Variants in PSMG2 observed in about 807,000 individuals in gnomAD.
The protein encoded by PSMG2 is proteasome assembly chaperone 2.
Under a neutral mutation model 31.5 loss-of-function variants are expected in PSMG2, and 21 were observed. The ratio of observed to expected loss-of-function variants is 0.67; its 90% CI spans 0.47 to 0.96. PSMG2 has a LOEUF of 0.96. Among genes scored for constraint, PSMG2 ranks in the 40% least tolerant of loss-of-function variants. The pLI, the probability that PSMG2 is intolerant of heterozygous loss-of-function variation, is 0.00. For missense variants in PSMG2, 318 were observed against 321.2 expected (o/e 0.99, Z 0.08); for synonymous variants, 120 against 110.4 (o/e 1.09, Z -0.54).
At chr18:12,669,768 A>G (rs1186675351) in intron 1 of PSMG2, among the ~76,000 whole-genome samples, 1 of 152,136 alleles carries the variant, frequency 6.6e-6, no homozygotes, top group Non-Finnish European at 1.5e-5. Flanking sequence ...TGGGAGGCCA[A>G]GGCGGGTGGA....
chr18:12,673,704 A>AC (rs1486071129), intron 1 of PSMG2, among the ~76,000 whole-genome samples: 3 of 151,870 alleles, frequency 2.0e-5, no homozygotes, highest in Admixed American at 6.6e-5. Context: ...ACATAGTGAA[A>AC]CCCCGCCTCT....
At chr18:12,681,602 A>G (rs924516071) in intron 1 of PSMG2, among the ~76,000 whole-genome samples, 3 of 152,228 alleles carry the variant, frequency 2.0e-5, no homozygotes, top group South Asian at 4.1e-4. Flanking sequence ...CAAGCAAACA[A>G]GTCATACAGC....
upstream of PSMG2, chr18:12,698,860 C>T: frequency 1.4e-6 from 1 of 715,344 alleles, no homozygotes; most frequent in Non-Finnish European, 2.3e-6. Context: ...CAGTGGGAAA[C>T]AAAATAGAGA....
intron 1 of PSMG2, chr18:12,678,073 GA>G: frequency 6.6e-7 from 1 of 1,516,620 alleles, no homozygotes; most frequent in Non-Finnish European, 9.1e-7. Context: ...TAAATGAAAA[GA>G]AGTATGAAAC....
chr18:12,672,312 C>T (rs1212011117), intron 1 of PSMG2, among the ~76,000 whole-genome samples: 2 of 152,018 alleles, frequency 1.3e-5, no homozygotes, highest in Non-Finnish European at 2.9e-5. Flanking sequence ...GACAGGGTTT[C>T]ACCATGTTGC....
intron 2 of PSMG2, among the ~76,000 whole-genome samples, chr18:12,708,700 CTTTTTTTTTTTTTT>C (rs71371298): frequency 4.5e-4 from 40 of 88,728 alleles, no homozygotes; most frequent in Admixed American, 8.6e-4. Context: ...TTACAACGTT[CTTTTTTTTTTTTTT>C]TTTTTTTTGA....
rs542478475 is a variant in PSMG2, at chr18:12,719,849, G to A, written c.408-661G>A. ...AGCGGTTCTCCTGCCTCAGCCTCCCGAGTACTTGGGACTACAGGCGCATGC... is the reference window on the plus strand; with the variant it reads ...AGCGGTTCTCCTGCCTCAGCCTCCCAAGTACTTGGGACTACAGGCGCATGC... On this transcript the variant is annotated intron_variant, in intron 4 of 6. Transcript: ENST00000317615. Among the ~76,000 whole-genome samples the A allele has an allele frequency of 4.7e-5, 7 of 149,188 alleles. No homozygotes were observed. The South Asian group carries it at 6.4e-4, about 14-fold the overall frequency.
chr18:12,699,541 CA>C (rs2040079610), upstream of PSMG2, among the ~76,000 whole-genome samples: 1 of 152,154 alleles, frequency 6.6e-6, no homozygotes, highest in South Asian at 2.1e-4. Context: ...ATCAATTCAG[CA>C]AGTGTATTTG....
At chr18:12,692,329 AC>A (rs1034747805) in intron 1 of PSMG2, 2 of 151,718 alleles carry the variant, frequency 1.3e-5, no homozygotes, top group Admixed American at 6.6e-5. Context: ...AAAAAAAAAA[AC>A]ATACTGTCAT....
rs561264601 is a variant in PSMG2 at position 12,689,724 on chromosome 18, G to A, written c.-36-16826G>A. 6.6e-5 allele frequency among the ~76,000 whole-genome samples: 10 copies of A among 152,132 alleles called. No individual in the cohort carries two copies. In the South Asian group the frequency reaches 1.0e-3, roughly 16 times the overall value. ...CTAGTTCCTAATTCCACGTGGCAATGAATAAATGCCTCAGACTATATAGAC... is the reference window on the plus strand; with the variant it reads ...CTAGTTCCTAATTCCACGTGGCAATAAATAAATGCCTCAGACTATATAGAC... On this transcript the variant is annotated intron_variant, in intron 1 of 6. Transcript: ENST00000585331.
intron 3 of PSMG2, among the ~76,000 whole-genome samples, chr18:12,717,994 CTTTTCTTTTTCTT>C (rs1346688699): frequency 6.7e-6 from 1 of 148,792 alleles, no homozygotes; most frequent in Non-Finnish European, 1.5e-5. Context: ...TCATTGATTT[CTTTTCTTTTTCTT>C]TTTTCTTTTT....
chr18:12,689,529 C>T (rs1385519226), intron 1 of PSMG2, among the ~76,000 whole-genome samples: 3 of 152,142 alleles, frequency 2.0e-5, no homozygotes, highest in Non-Finnish European at 4.4e-5. Context: ...GACTAAATTA[C>T]GTTCTATGGT....
chr18:12,675,134 C>G (rs968782149), intron 1 of PSMG2, among the ~76,000 whole-genome samples: 3 of 152,138 alleles, frequency 2.0e-5, no homozygotes, highest in African/African-American at 7.2e-5. Flanking sequence ...CGGTGGCTCA[C>G]GCCTGTAATC....
At chr18:12,659,810 G>T (rs1044865420) in intron 1 of PSMG2, among the ~76,000 whole-genome samples, 6 of 152,144 alleles carry the variant, frequency 3.9e-5, no homozygotes, top group Admixed American at 1.3e-4. Flanking sequence ...TAGCAATGCA[G>T]TATCTATGTG....
upstream of PSMG2, chr18:12,698,871 T>C (rs1261222393): frequency 2.7e-6 from 2 of 750,428 alleles, no homozygotes; most frequent in Non-Finnish European, 4.3e-6. Flanking sequence ...AAAATAGAGA[T>C]TCCTCCATTA....
At chr18:12,698,834 TTTAAA>T (rs2040051742), upstream of PSMG2, 1 of 619,642 alleles carries the variant, frequency 1.6e-6, no homozygotes, top group African/African-American at 1.8e-5. Context: ...TGGATAGTAG[TTTAAA>T]TTGAAAAGAG....
intron 1 of PSMG2, chr18:12,697,277 C>T: frequency 1.2e-6 from 2 of 1,614,052 alleles, no homozygotes; most frequent in Middle Eastern, 1.7e-4. Flanking sequence ...GAGCCCAAAA[C>T]CGATCGCCAT....
chr18:12,701,893 G>GT (rs1422727804), upstream of PSMG2, among the ~76,000 whole-genome samples: 1 of 152,230 alleles, frequency 6.6e-6, no homozygotes, highest in Non-Finnish European at 1.5e-5. Flanking sequence ...CACTTTAGGA[G>GT]GCCGAGGCGG....
At chr18:12,668,987 G>A (rs1048208881) in intron 1 of PSMG2, among the ~76,000 whole-genome samples, 6 of 140,976 alleles carry the variant, frequency 4.3e-5, no homozygotes, top group Middle Eastern at 5.2e-3. Context: ...TGATCTGCCT[G>A]CCTCAGCCTC....
Sources: allele counts gnomAD v4.1 joint callset (sites outside exome capture counted in the v4.1 genomes callset), GRCh38; gene constraint gnomAD v4.1.1; transcripts MANE v1.5; gene names NCBI Gene and HGNC (gene_info 2026-07-23, HGNC 2026-07-21).